AKAP19: variants seen among roughly 807,000 people sequenced by gnomAD.
AKAP19 encodes small A-kinase anchoring protein.
chr2:190,108,036 T>C, the AKAP19 span, among the ~76,000 whole-genome samples: 1 of 152,364 alleles, frequency 6.6e-6, no homozygotes, highest in Non-Finnish European at 1.5e-5. Context: ...ATCTGGTCCT[T>C]GTAGAAATTT....
At chr2:190,053,784 G>C in the AKAP19 span, among the ~76,000 whole-genome samples, 1 of 151,942 alleles carries the variant, frequency 6.6e-6, no homozygotes, top group African/African-American at 2.4e-5. Context: ...TTTGAATTTA[G>C]ATTTCTATTT....
At chr2:189,965,935 T>C in the AKAP19 span, among the ~76,000 whole-genome samples, 1 of 151,794 alleles carries the variant, frequency 6.6e-6, no homozygotes, top group African/African-American at 2.4e-5. Context: ...GAAATTGTGG[T>C]ATATATGTAT....
chr2:190,005,872 CT>C, the AKAP19 span, among the ~76,000 whole-genome samples: 1 of 152,174 alleles, frequency 6.6e-6, no homozygotes, highest in Non-Finnish European at 1.5e-5. Context: ...ACCAATGCAA[CT>C]TTTCCTTATT....
the AKAP19 span, among the ~76,000 whole-genome samples, chr2:189,990,903 C>T: frequency 6.6e-6 from 1 of 152,116 alleles, no homozygotes; most frequent in Non-Finnish European, 1.5e-5. Context: ...TTATATCACT[C>T]TTATGCCTTT....
the AKAP19 span, among the ~76,000 whole-genome samples, chr2:189,899,933 C>T: frequency 6.6e-6 from 1 of 151,980 alleles, no homozygotes; most frequent in Admixed American, 6.6e-5. Flanking sequence ...CAATTTCTAT[C>T]CTTTAAAAAA....
the AKAP19 span, among the ~76,000 whole-genome samples, chr2:189,968,711 T>C: frequency 1.3e-5 from 2 of 152,036 alleles, no homozygotes; most frequent in Non-Finnish European, 2.9e-5. Context: ...AAAGGCCCCC[T>C]TCATAAGCCC....
the AKAP19 span, among the ~76,000 whole-genome samples, chr2:189,981,291 T>G: frequency 1.0e-5 from 1 of 97,724 alleles, no homozygotes; most frequent in Non-Finnish European, 2.3e-5. Context: ...TTTTTTTTTT[T>G]GCTGTTGTTG....
At chr2:189,926,085 T>C in the AKAP19 span, among the ~76,000 whole-genome samples, 1 of 152,332 alleles carries the variant, frequency 6.6e-6, no homozygotes, top group South Asian at 2.1e-4. Flanking sequence ...CTAAGTTTTC[T>C]GTTCAACTTT....
the AKAP19 span, among the ~76,000 whole-genome samples, chr2:190,093,262 A>T: frequency 2.2e-4 from 4 of 18,184 alleles, no homozygotes; most frequent in African/African-American, 3.4e-4. Context: ...GTCTCTACTA[A>T]AAAAAAAAAA....
At chr2:190,131,150 C>T in the AKAP19 span, among the ~76,000 whole-genome samples, 71 of 152,232 alleles carry the variant, frequency 4.7e-4, 1 homozygote, top group Admixed American at 7.2e-4. Context: ...CCTGACACAG[C>T]GATCCTAAAT....
the AKAP19 span, among the ~76,000 whole-genome samples, chr2:189,990,127 GT>G: frequency 1.3e-5 from 2 of 152,076 alleles, no homozygotes; most frequent in African/African-American, 4.8e-5. Context: ...TAACATCTTT[GT>G]TGCTTGTTGC....
the AKAP19 span, among the ~76,000 whole-genome samples, chr2:189,884,551 A>G: frequency 1.3e-5 from 2 of 152,226 alleles, no homozygotes; most frequent in African/African-American, 2.4e-5. Context: ...CCAGCCACAC[A>G]CACACATTCA....
At chr2:190,075,065 A>C in the AKAP19 span, among the ~76,000 whole-genome samples, 2 of 152,202 alleles carry the variant, frequency 1.3e-5, no homozygotes, top group African/African-American at 2.4e-5. Context: ...TTAGATAAAA[A>C]ATTTAAATTC....
the AKAP19 span, chr2:190,062,651 T>A: frequency 6.3e-7 from 1 of 1,575,552 alleles, no homozygotes. Flanking sequence ...CTTTTACTTT[T>A]CTTTTGCTTT....
At chr2:189,932,070 C>T in the AKAP19 span, among the ~76,000 whole-genome samples, 1 of 152,192 alleles carries the variant, frequency 6.6e-6, no homozygotes, top group Non-Finnish European at 1.5e-5. Flanking sequence ...GTTTAGTTGT[C>T]ATGGCTTTCT....
chr2:189,999,679 T>C, the AKAP19 span, among the ~76,000 whole-genome samples: 2 of 152,196 alleles, frequency 1.3e-5, no homozygotes, highest in Non-Finnish European at 2.9e-5. Context: ...TTAATTTCTT[T>C]TTTTTTGGCA....
the AKAP19 span, among the ~76,000 whole-genome samples, chr2:189,936,879 C>T: frequency 6.6e-6 from 1 of 152,154 alleles, no homozygotes; most frequent in African/African-American, 2.4e-5. Flanking sequence ...AATCCCAGCA[C>T]TTTGGGAGGC....
At chr2:189,953,111 G>T in the AKAP19 span, among the ~76,000 whole-genome samples, 2 of 20,678 alleles carry the variant, frequency 9.7e-5, no homozygotes, top group Admixed American at 8.4e-4. Context: ...AACATCCCTG[G>T]CCAGATTTTT....
the AKAP19 span, among the ~76,000 whole-genome samples, chr2:189,926,585 C>CTTTTTT: frequency 4.1e-5 from 3 of 72,410 alleles, no homozygotes; most frequent in African/African-American, 5.1e-5. Flanking sequence ...CGCGCCCGGC[C>CTTTTTT]TTTTTTTTTT....
Sources: gnomAD v4.1 joint callset for allele counts (sites outside exome capture counted in the v4.1 genomes callset) on GRCh38, gnomAD v4.1.1 for gene constraint, MANE v1.5 for transcripts, NCBI Gene and HGNC (gene_info 2026-07-23, HGNC 2026-07-21) for gene names.